Variants in ATIC observed in about 807,000 individuals in gnomAD.
The protein encoded by ATIC is 5-aminoimidazole-4-carboxamide ribonucleotide formyltransferase/IMP cyclohydrolase.
A neutral mutation model predicts 72.5 loss-of-function variants in ATIC; 64 were observed. The ratio of observed to expected loss-of-function variants is 0.88; its 90% confidence interval spans 0.72 to 1.09. ATIC has a LOEUF of 1.09. ATIC is among the 50% of genes least tolerant of loss of function. The pLI is 0.00. For synonymous variants in ATIC, 281 were observed against 267.1 expected (o/e 1.05, Z -0.51); for missense variants, 787 against 732.4 (o/e 1.07, Z -0.86).
chr2:215,335,409 C>G (rs2052943729), intron 10 of ATIC, among the ~76,000 whole-genome samples: 1 of 151,890 alleles, frequency 6.6e-6, no homozygotes, highest in African/African-American at 2.4e-5. Context: ...AACAGGTATT[C>G]CAGACAGGTG....
intron 11 of ATIC, among the ~76,000 whole-genome samples, chr2:215,337,169 C>A (rs2106026587): frequency 6.6e-6 from 1 of 151,144 alleles, no homozygotes; most frequent in South Asian, 2.1e-4. Context: ...ATTGATAAAG[C>A]AAAGAGTTAT....
Position 215,326,935 on chromosome 2 carries a change from C to T in ATIC, c.645C>T (p.Thr215=). ...GATATGGAATGAACCCACATCAGAC[C>T]CCTGCCCAGCTGTACACACTGCAGC... The part of the protein sequence containing the change: ...PLRYGMNPHQ[T]PAQLYTLQPK... The change falls in exon 7 of 16, where the codon ACC becomes ACT. Residue 215 remains threonine (T), a synonymous_variant. Coordinates refer to ENST00000236959, the MANE Select transcript of ATIC (RefSeq NM_004044.7). The T allele has an allele frequency of 6.2e-7, 1 of 1,614,080 alleles. No individual in the cohort carries two copies.
chr2:215,364,902 A>T, the ATIC span: 7 of 1,565,434 alleles, frequency 4.5e-6, no homozygotes. Flanking sequence ...AAGCATGTGC[A>T]GGAGCAAATG....
chr2:215,340,946 C>G lies in ATIC; in HGVS notation c.1227+2039C>G, dbSNP rs75875783. Among the ~76,000 whole-genome samples, 227 of 152,264 alleles carry G rather than the reference C, an allele frequency of 1.5e-3. 2 individuals are homozygous for G. The highest frequency in any genetic ancestry group is 5.2e-3 in the African/African-American group (218 of 41,552). On this transcript the variant is annotated intron_variant, in intron 12 of 15. Transcript: ENST00000236959. ...AGCACTTGCTGTCTGTCCGCTCTGC[C>G]CAGCATTTCTGTTTGTTACTAAAAG...
Position 215,349,705 on chromosome 2 carries a change from C to G in ATIC, c.*50C>G. ...TTGCTTATGTGTAGGTGAACAGTCA[C>G]GCCTGAAACTTTGAGGATAACTTTT... On this transcript the variant is annotated 3_prime_UTR_variant, in exon 16 of 16. Coordinates refer to ENST00000236959, the MANE Select transcript of ATIC (RefSeq NM_004044.7). 6.2e-7 allele frequency: 1 copy of G among 1,613,772 alleles called. No individual in the cohort carries two copies.
At chr2:215,350,553 C>A (rs144873884), downstream of ATIC, among the ~76,000 whole-genome samples, 3 of 152,228 alleles carry the variant, frequency 2.0e-5, no homozygotes, top group Non-Finnish European at 4.4e-5. Context: ...TCTTGTTGAC[C>A]CCCTCTATGG....
chr2:215,348,112 G>T (rs933441262), intron 14 of ATIC, among the ~76,000 whole-genome samples: 2 of 152,102 alleles, frequency 1.3e-5, no homozygotes, highest in Admixed American at 6.5e-5. Flanking sequence ...CACCCTCATT[G>T]CCCAATAACT....
At chr2:215,326,217 G>A (rs2052823970) in intron 6 of ATIC, 79 bp downstream of exon 6, 2 of 1,561,732 alleles carry the variant, frequency 1.3e-6, no homozygotes, top group Non-Finnish European at 1.8e-6. Flanking sequence ...TTCAGTTCTT[G>A]GTAGATTGCA....
chr2:215,332,179 T>C (rs1016420659), intron 7 of ATIC, among the ~76,000 whole-genome samples: 2 of 151,160 alleles, frequency 1.3e-5, no homozygotes, highest in African/African-American at 4.9e-5. Flanking sequence ...TGTGTGTTCA[T>C]GTACATGTGC....
chr2:215,361,289 A>C, the ATIC span: 2 of 416,028 alleles, frequency 4.8e-6, no homozygotes, highest in African/African-American at 2.0e-5. Context: ...CAAATCTTAG[A>C]ATCACTTCAT....
At chr2:215,342,851 TGTATTTTCA>T (rs1209847539) in intron 12 of ATIC, among the ~76,000 whole-genome samples, 1 of 152,154 alleles carries the variant, frequency 6.6e-6, no homozygotes, top group African/African-American at 2.4e-5. Context: ...GGCTAATCTT[TGTATTTTCA>T]GTAGAGACGG....
At chr2:215,324,553 C>A (rs2052801925) in intron 4 of ATIC, among the ~76,000 whole-genome samples, 1 of 152,114 alleles carries the variant, frequency 6.6e-6, no homozygotes, top group African/African-American at 2.4e-5. Context: ...TGTTTCCCCT[C>A]CAATTCTGTT....
At position 215,349,556 on chromosome 2, in the gene ATIC, G is replaced by A. The variant is rs759786601; in HGVS notation, c.1680G>A (p.Ala560=). 1.5e-5 allele frequency: 24 copies of A among 1,614,078 alleles called. No homozygotes were observed. In the East Asian group the frequency reaches 1.6e-4, roughly 10 times the overall value. ...RAKRSGVAYI[A]APSGSAADKV... is the part of the protein sequence containing the mutation. The stretch of plus-strand genomic sequence containing the variant: ...CCCAGAGTGGTGTGGCGTACATTGC[G>A]GCTCCCTCCGGTTCTGCTGCTGACA... Residue 560 remains alanine (A), a synonymous_variant, in exon 16 of 16, where the codon GCG becomes GCA. Coordinates refer to ENST00000236959, the MANE Select transcript of ATIC (RefSeq NM_004044.7).
At chr2:215,361,166 CTT>C in the ATIC span, 113 of 239,912 alleles carry the variant, frequency 4.7e-4, 6 homozygotes, top group Non-Finnish European at 5.0e-5. Context: ...GGGCCAGACA[CTT>C]AAGTGAAAGC....
At chr2:215,313,495 A>G (rs981752507) in intron 2 of ATIC, among the ~76,000 whole-genome samples, 1 of 152,188 alleles carries the variant, frequency 6.6e-6, no homozygotes, top group Non-Finnish European at 1.5e-5. Flanking sequence ...GTCTACTGAA[A>G]GGTAGAAAAA....
At chr2:215,348,990 G>A (rs774898926) in intron 14 of ATIC, 104 bp from the exon 15 acceptor site, 215 of 1,043,842 alleles carry the variant, frequency 2.1e-4, no homozygotes, top group Non-Finnish European at 2.3e-4. Context: ...ATAAAAACAA[G>A]TCCTAAGAAA....
At chr2:215,349,827 C>A, downstream of ATIC, 4 of 1,157,484 alleles carry the variant, frequency 3.5e-6, no homozygotes, top group Non-Finnish European at 4.9e-6. Flanking sequence ...TGACACATGA[C>A]ACATAACACA....
At chr2:215,312,691 G>A (rs1429351262) in intron 2 of ATIC, 67 bp downstream of exon 2, 2 of 1,610,486 alleles carry the variant, frequency 1.2e-6, no homozygotes, top group East Asian at 2.2e-5. Context: ...TGTATTCCAG[G>A]CACCAGCAGC....
intron 11 of ATIC, 101 bp downstream of exon 11, chr2:215,336,225 T>A (rs2052953467): frequency 1.1e-6 from 1 of 928,708 alleles, no homozygotes; most frequent in South Asian, 1.4e-5. Flanking sequence ...TTCTAGTTTA[T>A]CCTTATTATA....
Sources: gnomAD v4.1 joint callset for allele counts (sites outside exome capture counted in the v4.1 genomes callset) on GRCh38, gnomAD v4.1.1 for gene constraint, MANE v1.5 for transcripts, NCBI Gene and HGNC (gene_info 2026-07-23, HGNC 2026-07-21) for gene names.